The following FAM3B variants were observed in gnomAD, a reference collection of about 807,000 sequenced individuals.
FAM3B encodes the protein protein FAM3B.
Under a neutral mutation model 28.4 loss-of-function variants are expected in FAM3B, and 29 were observed. The ratio of observed to expected loss-of-function variants is 1.02; its 90% CI spans 0.76 to 1.39. The LOEUF is 1.39. Ranked by LOEUF, FAM3B falls within the 40% of genes most tolerant of loss-of-function variation. FAM3B has a pLI of 0.00. For missense variants in FAM3B, 266 were observed against 293.9 expected (o/e 0.91, Z 0.69); for synonymous variants, 91 against 103.0 (o/e 0.88, Z 0.71).
chr21:41,336,444 C>T (rs1324195311), intron 2 of FAM3B, among the ~76,000 whole-genome samples: 2 of 152,144 alleles, frequency 1.3e-5, no homozygotes, highest in African/African-American at 2.4e-5. Flanking sequence ...ATCGCTTGAA[C>T]CTGAGAGGCG....
chr21:41,347,749 CAAAAAAAAAAA>C (rs60227162), intron 6 of FAM3B, among the ~76,000 whole-genome samples: 20,519 of 85,750 alleles, frequency 0.24, 3,249 homozygotes, highest in African/African-American at 0.49. Context: ...GAGACTGTCT[CAAAAAAAAAAA>C]AAAAAAAAAG....
intron 1 of FAM3B, chr21:41,304,419 C>CCTGCCTG (rs2088670458): frequency 5.1e-6 from 2 of 388,648 alleles, no homozygotes; most frequent in Non-Finnish European, 1.0e-5. Flanking sequence ...CCGAAGGGCC[C>CCTGCCTG]CAGGTTGCCT....
At chr21:41,304,480 G>C (rs571857014) in intron 1 of FAM3B, among the ~76,000 whole-genome samples, 18 of 152,190 alleles carry the variant, frequency 1.2e-4, no homozygotes, top group Non-Finnish European at 2.4e-4. Context: ...GGCTGCGCGT[G>C]CAGTCGCAGA....
In FAM3B at chr21:41,316,854, G is replaced by C. The variant is rs747293874; in HGVS notation, c.-26G>C. On this transcript the variant is annotated 5_prime_UTR_variant, in exon 1 of 8. Transcript: ENST00000357985. ...CGGTCGCCTGGGAGCTGCCGCCAGGGCCAGGAGGGGAGCGGCACCTGGAAG... is the reference window on the plus strand; with the variant it reads ...CGGTCGCCTGGGAGCTGCCGCCAGGCCCAGGAGGGGAGCGGCACCTGGAAG... 4.2e-6 allele frequency: 6 copies of C among 1,434,032 alleles called. No individual in the cohort carries two copies. In the African/African-American group the frequency reaches 5.9e-5, roughly 14 times the overall value. The allele number at this position is 1,434,032 out of a possible 1,614,324, so 88.8% of individuals were successfully genotyped here.
chr21:41,315,346 G>C (rs1334950640), upstream of FAM3B, among the ~76,000 whole-genome samples: 4 of 152,246 alleles, frequency 2.6e-5, no homozygotes, highest in East Asian at 7.7e-4. Context: ...AAAAGTTCTG[G>C]AGATCAGTAA....
intron 1 of FAM3B, among the ~76,000 whole-genome samples, chr21:41,321,582 A>C (rs541123682): frequency 6.6e-6 from 1 of 152,350 alleles, no homozygotes; most frequent in South Asian, 2.1e-4. Context: ...CTAGTCTAAC[A>C]ATCTTAGCAG....
upstream of FAM3B, among the ~76,000 whole-genome samples, chr21:41,312,508 G>A (rs2088720789): frequency 6.6e-6 from 1 of 152,176 alleles, no homozygotes. Context: ...CGCACCTTGA[G>A]ACCTGCTGGG....
chr21:41,347,481 C>T (rs746571296), intron 6 of FAM3B, among the ~76,000 whole-genome samples: 4 of 152,030 alleles, frequency 2.6e-5, no homozygotes, highest in Non-Finnish European at 4.4e-5. Flanking sequence ...AGAGGCTGGG[C>T]GCAGTGGCTC....
chr21:41,311,393 G>A (rs554111726), intron 1 of FAM3B, among the ~76,000 whole-genome samples: 1 of 146,280 alleles, frequency 6.8e-6, no homozygotes, highest in Non-Finnish European at 1.5e-5. Context: ...AACCTGGAAG[G>A]TTGAGGCTGC....
chr21:41,316,431 T>C (rs201976281), upstream of FAM3B, among the ~76,000 whole-genome samples: 8 of 152,344 alleles, frequency 5.3e-5, no homozygotes, highest in East Asian at 1.5e-3. Flanking sequence ...ACGGCGAACT[T>C]GGACTGGGCT....
At position 41,355,408 on chromosome 21, in the gene FAM3B, A is replaced by G. The variant is rs140562861; in HGVS notation, c.619-1700A>G. Reference sequence around the variant, plus strand: ...CAACATTATTTATAATAGCCAAAAAATGGAATCAACCCAAATGTTTGATTA... The same window carrying G: ...CAACATTATTTATAATAGCCAAAAAGTGGAATCAACCCAAATGTTTGATTA... On this transcript the variant is annotated intron_variant, in intron 7 of 7. Coordinates refer to ENST00000357985, the MANE Select transcript of FAM3B (RefSeq NM_058186.4). Among the ~76,000 whole-genome samples the G allele has an allele frequency of 5.6e-4, 86 of 152,374 alleles. 2 individuals are homozygous for G. The highest frequency in any genetic ancestry group is 1.9e-3 in the African/African-American group (77 of 41,588).
intron 3 of FAM3B, among the ~76,000 whole-genome samples, chr21:41,343,217 C>T (rs2089023493): frequency 1.3e-5 from 2 of 152,292 alleles, no homozygotes; most frequent in Admixed American, 1.3e-4. Flanking sequence ...TGTTCACTTC[C>T]TTACACACCT....
chr21:41,345,673 C>G lies in FAM3B; in HGVS notation c.347-13C>G. ...TGAACTTTCTTTTAAAATACCATTT[C>G]TTTTATTTTCAGATGTAACTGGGAA... On this transcript the variant is annotated splice_polypyrimidine_tract_variant and intron_variant, in intron 4 of 7. Transcript: ENST00000357985. The G allele has an allele frequency of 3.3e-6, 5 of 1,521,680 alleles. No homozygotes were observed. Among genetic ancestry groups the G allele is most frequent in the South Asian group, 1.3e-5 (1 of 78,490 alleles). 94.3% of individuals were successfully genotyped at this position (1,521,680 alleles called of 1,614,324 possible).
intron 7 of FAM3B, among the ~76,000 whole-genome samples, chr21:41,349,408 G>C (rs2089093828): frequency 6.6e-6 from 1 of 152,176 alleles, no homozygotes; most frequent in East Asian, 1.9e-4. Context: ...GCAGTAACCG[G>C]TGCAGAAGAG....
chr21:41,347,344 A>G (rs1329568435), intron 6 of FAM3B, among the ~76,000 whole-genome samples: 1 of 152,246 alleles, frequency 6.6e-6, no homozygotes, highest in East Asian at 1.9e-4. Flanking sequence ...ATCAAGACAA[A>G]GCCACTGTTG....
At chr21:41,307,030 T>C (rs2088686312) in intron 1 of FAM3B, among the ~76,000 whole-genome samples, 1 of 152,240 alleles carries the variant, frequency 6.6e-6, no homozygotes, top group Admixed American at 6.5e-5. Flanking sequence ...GAACCAGTCA[T>C]GGACTTTTCC....
chr21:41,312,120 T>C (rs551129028), upstream of FAM3B, among the ~76,000 whole-genome samples: 357 of 152,336 alleles, frequency 2.3e-3, 4 homozygotes, highest in Non-Finnish European at 3.1e-3. Context: ...TTATGGGAGC[T>C]ACAAGGTGAG....
chr21:41,322,725 T>G, intron 1 of FAM3B, 198 bp from the exon 2 acceptor site: 1 of 754,948 alleles, frequency 1.3e-6, no homozygotes, highest in East Asian at 2.7e-5. Flanking sequence ...CTGTCTTGTT[T>G]GTATTCTCTG....
At chr21:41,313,350 C>T (rs1334900012), upstream of FAM3B, among the ~76,000 whole-genome samples, 1 of 152,224 alleles carries the variant, frequency 6.6e-6, no homozygotes, top group African/African-American at 2.4e-5. Context: ...GAAAGTTTCC[C>T]TTGCTCCATC....
Sources: gnomAD v4.1 joint callset for allele counts (sites outside exome capture counted in the v4.1 genomes callset) on GRCh38, gnomAD v4.1.1 for gene constraint, MANE v1.5 for transcripts, NCBI Gene and HGNC (gene_info 2026-07-23, HGNC 2026-07-21) for gene names.